The following CACNA1D variants were observed in gnomAD, a reference collection of about 807,000 sequenced individuals.
The protein encoded by CACNA1D is voltage-dependent L-type calcium channel subunit alpha-1D.
CACNA1D carries 55 observed loss-of-function variants against 257.1 expected under a neutral mutation model. The observed-to-expected ratio is 0.21, with a 90% CI of 0.17 to 0.27. CACNA1D has a LOEUF of 0.27. Among genes scored for constraint, CACNA1D ranks in the 10% least tolerant of loss-of-function variants. CACNA1D has a pLI of 1.00. For synonymous variants in CACNA1D, 980 were observed against 1,014.9 expected, an observed-to-expected ratio of 0.97 and a Z score of 0.65; for missense variants, 1,876 against 2,784.0, an observed-to-expected ratio of 0.67 and a Z score of 7.34.
intron 3 of CACNA1D, among the ~76,000 whole-genome samples, chr3:53,605,683 C>T (rs934543653): frequency 2.0e-5 from 3 of 152,210 alleles, no homozygotes; most frequent in African/African-American, 7.2e-5. Context: ...CATAGCACAG[C>T]ACTTCTGATT....
chr3:53,506,123 A>C (rs1047870328), intron 3 of CACNA1D, among the ~76,000 whole-genome samples: 1 of 152,036 alleles, frequency 6.6e-6, no homozygotes, highest in African/African-American at 2.4e-5. Flanking sequence ...TATCATCAAG[A>C]CTGTGTCTTT....
intron 45 of CACNA1D, among the ~76,000 whole-genome samples, chr3:53,806,180 T>TCCTCCTC (rs149265188): frequency 2.8e-5 from 2 of 71,844 alleles, no homozygotes; most frequent in East Asian, 5.0e-4. Context: ...CTCTCCTCCC[T>TCCTCCTC]CCTCCTCCCT....
intron 4 of CACNA1D, among the ~76,000 whole-genome samples, chr3:53,651,829 A>AG (rs2094100710): frequency 6.6e-6 from 1 of 152,164 alleles, no homozygotes; most frequent in Non-Finnish European, 1.5e-5. Flanking sequence ...CAGTTGAGCA[A>AG]GGTGATTTTT....
intron 30 of CACNA1D, chr3:53,762,604 C>T (rs1338327169): frequency 1.1e-5 from 5 of 456,584 alleles, no homozygotes; most frequent in South Asian, 3.1e-5. Flanking sequence ...TTGTTGGTAG[C>T]GTCGTTGATA....
Position 53,744,583 on chromosome 3 carries a change from G to A in CACNA1D, c.2919-157G>A, listed in dbSNP as rs546151931. Reference sequence around the variant, plus strand: ...CTCGTGTGGGCGGGGAGGAGAAGTCGCCTCTGAGTCGTGAAGAGAGATCAG... The same window carrying A: ...CTCGTGTGGGCGGGGAGGAGAAGTCACCTCTGAGTCGTGAAGAGAGATCAG... On this transcript the variant is annotated intron_variant, in intron 22 of 47. Coordinates refer to ENST00000350061, the MANE Select transcript of CACNA1D (RefSeq NM_001128840.3). Among the ~76,000 whole-genome samples the A allele has an allele frequency of 4.6e-5, 7 of 152,238 alleles. No homozygotes were observed. In the South Asian group the frequency reaches 1.0e-3, roughly 23 times the overall value.
Position 53,735,403 on chromosome 3 carries a change from A to G in CACNA1D, c.2651A>G (p.Asn884Ser), listed in dbSNP as rs769988052. 2.5e-6 allele frequency: 4 copies of G among 1,613,952 alleles called. No homozygotes were observed. The highest frequency in any genetic ancestry group is 1.1e-5 in the South Asian group (1 of 91,084). Residue 884 changes from asparagine (N) to serine (S), a missense_variant, in exon 20 of 48, where the codon AAC (asparagine) becomes AGC (serine). Around this residue, in one of 10 missense-constraint regions of CACNA1D, gnomAD observed 271 missense variants for 425.5 expected, o/e 0.64. Coordinates refer to ENST00000350061, the MANE Select transcript of CACNA1D (RefSeq NM_001128840.3). ...PIRVGCHKLI[N>S]HHIFTNLILV... Reference sequence around the variant, plus strand: ...CGCGTAGGCTGCCACAAGCTCATCAACCACCACATCTTCACCAACCTCATC... The same window carrying G: ...CGCGTAGGCTGCCACAAGCTCATCAGCCACCACATCTTCACCAACCTCATC...
At chr3:53,602,184 T>G (rs903941803) in intron 3 of CACNA1D, among the ~76,000 whole-genome samples, 1 of 152,218 alleles carries the variant, frequency 6.6e-6, no homozygotes, top group African/African-American at 2.4e-5. Context: ...CTTTTTTAGC[T>G]CCTACATATA....
At position 53,586,951 on chromosome 3, in the gene CACNA1D, A is replaced by G. The variant is rs76997401; in HGVS notation, c.484-63828A>G. ...TTGTCTGAGGGTAAAGGCAGTGTGT[A>G]GGTGAGACATGGATGCTGAGTTGGC... On this transcript the variant is annotated intron_variant, in intron 3 of 47. Transcript: ENST00000350061. Among the ~76,000 whole-genome samples the G allele has an allele frequency of 7.2e-3, 1,096 of 152,276 alleles. 34 individuals are homozygous for G. In the East Asian group the frequency reaches 0.096, roughly 13 times the overall value.
At chr3:53,543,091 TAAAA>T (rs202132960) in intron 3 of CACNA1D, among the ~76,000 whole-genome samples, 1 of 96,032 alleles carries the variant, frequency 1.0e-5, no homozygotes, top group Admixed American at 1.0e-4. Flanking sequence ...ATAATAAAAT[TAAAA>T]AAAAAAAAAA....
chr3:53,745,446 G>A (rs999272423), intron 23 of CACNA1D, among the ~76,000 whole-genome samples, 178 bp from the exon 24 acceptor site: 3 of 151,986 alleles, frequency 2.0e-5, no homozygotes, highest in Non-Finnish European at 4.4e-5. Flanking sequence ...TCACCATGTT[G>A]GCCAGGCTGG....
chr3:53,755,803 C>T (rs1354973534), intron 29 of CACNA1D, among the ~76,000 whole-genome samples: 2 of 152,068 alleles, frequency 1.3e-5, no homozygotes, highest in African/African-American at 2.4e-5. Flanking sequence ...ATTTTTCCTG[C>T]CCTTTTTTTC....
intron 19 of CACNA1D, among the ~76,000 whole-genome samples, chr3:53,734,014 GTGTATATA>G (rs756893545): frequency 1.7e-4 from 6 of 36,060 alleles, no homozygotes; most frequent in Admixed American, 8.3e-4. Flanking sequence ...ATATATGTGT[GTGTATATA>G]TATATATATA....
intron 3 of CACNA1D, among the ~76,000 whole-genome samples, chr3:53,538,542 A>G (rs1004179326): frequency 1.3e-5 from 2 of 152,158 alleles, no homozygotes; most frequent in Non-Finnish European, 2.9e-5. Flanking sequence ...TAAAAGTATG[A>G]TATATTTTAG....
rs199673609 is a variant in CACNA1D, at chr3:53,770,388, T to G, written c.3916-36T>G. On this transcript the variant is annotated intron_variant, in intron 31 of 47. Transcript: ENST00000350061. The stretch of plus-strand genomic sequence containing the variant: ...TCTGAAAGTGTTGCATGTTCTACTT[T>G]CCATTGGGTTTGACCTCTCCATGAT... The G allele has an allele frequency of 6.4e-4, 1,024 of 1,607,382 alleles. 1 individual carries two copies. Among genetic ancestry groups the G allele is most frequent in the Non-Finnish European group, 8.4e-4 (987 of 1,174,002 alleles).
intron 35 of CACNA1D, 109 bp from the exon 36 acceptor site, chr3:53,776,494 G>T: frequency 1.5e-6 from 2 of 1,299,654 alleles, no homozygotes; most frequent in Non-Finnish European, 1.1e-6. Context: ...AACTTCTCTT[G>T]GAGACATGGG....
At chr3:53,746,855 T>G (rs545491415) in intron 25 of CACNA1D, among the ~76,000 whole-genome samples, 26 of 152,136 alleles carry the variant, frequency 1.7e-4, no homozygotes, top group Non-Finnish European at 1.9e-4. Flanking sequence ...GAAAGAAAAT[T>G]GGGAATGTCA....
rs1374113990 is a variant in CACNA1D, at chr3:53,719,790, C to T, written c.1505+9C>T. ...TCAAAATCCAAACTCAGGTCAGTATCTTCTTTCTGTTTCTTCGTCAGCCTG... is the reference window on the plus strand; with the variant it reads ...TCAAAATCCAAACTCAGGTCAGTATTTTCTTTCTGTTTCTTCGTCAGCCTG... On this transcript the variant is annotated intron_variant, in intron 11 of 47. Transcript: ENST00000350061. 7.4e-6 allele frequency: 12 copies of T among 1,612,364 alleles called. No homozygotes were observed. In the Admixed American group the frequency reaches 1.7e-4, roughly 22 times the overall value.
chr3:53,673,677 T>C lies in CACNA1D; in HGVS notation c.1220+551T>C, dbSNP rs749730433. 1 of 1,485,936 alleles carries C rather than the reference T, an allele frequency of 6.7e-7. No individual in the cohort carries two copies. The highest frequency in any genetic ancestry group is 2.3e-5 in the East Asian group (1 of 44,338). 92.0% of individuals were successfully genotyped at this position (1,485,936 alleles called of 1,614,324 possible). A position where few individuals can be genotyped will look rare whatever the true frequency, so the allele number is the denominator to read the frequency against. ...AACTGGGGCTCTGCTCTTTAGTAAATGGATAACTGATAACTGATCTCCTTA... is the reference window on the plus strand; with the variant it reads ...AACTGGGGCTCTGCTCTTTAGTAAACGGATAACTGATAACTGATCTCCTTA... On this transcript the variant is annotated intron_variant, in intron 8 of 47. Coordinates refer to ENST00000350061, the MANE Select transcript of CACNA1D (RefSeq NM_001128840.3). The surrounding 1 kb of genome is among the most constrained non-coding windows in gnomAD (Gnocchi z 4.1).
At chr3:53,808,881 C>G (rs2095581411) in intron 46 of CACNA1D, 111 bp downstream of exon 46, 2 of 1,103,942 alleles carry the variant, frequency 1.8e-6, no homozygotes, top group Admixed American at 3.7e-5. Flanking sequence ...AGGAGAGAAT[C>G]TTCACCTACA....
Sources: gnomAD v4.1 joint callset for allele counts (sites outside exome capture counted in the v4.1 genomes callset) on GRCh38, gnomAD v4.1.1 for gene constraint, gnomAD v4.1.1 regional missense constraint, Gnocchi (gnomAD v3.1) non-coding constraint, MANE v1.5 for transcripts, NCBI Gene and HGNC (gene_info 2026-07-23, HGNC 2026-07-21) for gene names.